CACHD1: variants seen among roughly 807,000 people sequenced by gnomAD.
The protein encoded by CACHD1 is cache domain containing 1.
In CACHD1, 71 loss-of-function variants were observed where a neutral mutation model predicts 138.7. That is an observed-to-expected ratio of 0.51 (90% CI 0.42 to 0.62). The LOEUF is 0.62. CACHD1 is among the 20% of genes least tolerant of loss of function. The pLI, the probability that CACHD1 is intolerant of heterozygous loss-of-function variation, is 0.00. For missense variants in CACHD1, 1,389 were observed against 1,625.3 expected, an observed-to-expected ratio of 0.85 and a Z score of 2.50; for synonymous variants, 578 against 591.5, an observed-to-expected ratio of 0.98 and a Z score of 0.33.
intron 7 of CACHD1, among the ~76,000 whole-genome samples, chr1:64,636,373 C>T (rs1648526777): frequency 6.6e-6 from 1 of 152,148 alleles, no homozygotes; most frequent in South Asian, 2.1e-4. Flanking sequence ...AGCAGTTTAG[C>T]ACAATATACA....
chr1:64,682,171 C>T (rs1160403333), intron 26 of CACHD1, 65 bp downstream of exon 26: 6 of 1,395,818 alleles, frequency 4.3e-6, no homozygotes, highest in South Asian at 1.2e-5. Flanking sequence ...GGATGATGCT[C>T]ACACCCTATT....
chr1:64,643,151 A>AT (rs1648784248), intron 8 of CACHD1, among the ~76,000 whole-genome samples: 1 of 148,968 alleles, frequency 6.7e-6, no homozygotes, highest in Non-Finnish European at 1.5e-5. Context: ...ATGCAGAACC[A>AT]TGTGGTTCAG....
chr1:64,608,949 C>A (rs762332206), intron 4 of CACHD1, among the ~76,000 whole-genome samples: 31 of 152,092 alleles, frequency 2.0e-4, no homozygotes, highest in African/African-American at 7.2e-4. Context: ...TTCTTTATTG[C>A]GTTTGATTTT....
chr1:64,582,375 C>A, intron 3 of CACHD1, 71 bp downstream of exon 3: 1 of 1,338,598 alleles, frequency 7.5e-7, no homozygotes, highest in Non-Finnish European at 1.1e-6. Context: ...ATTTCATATT[C>A]AAAATACCTG....
chr1:64,639,875 G>A (rs1194086780), intron 7 of CACHD1, among the ~76,000 whole-genome samples: 1 of 152,180 alleles, frequency 6.6e-6, no homozygotes, highest in East Asian at 1.9e-4. Context: ...GGGTGCCTCT[G>A]GCCCAACGAG....
intron 3 of CACHD1, among the ~76,000 whole-genome samples, chr1:64,596,610 A>G (rs1192719562): frequency 6.6e-6 from 1 of 152,174 alleles, no homozygotes; most frequent in Non-Finnish European, 1.5e-5. Context: ...ACTGGCAGCA[A>G]AGGCCTGCTT....
At chr1:64,502,783 T>C (rs143075398) in intron 1 of CACHD1, among the ~76,000 whole-genome samples, 1 of 152,280 alleles carries the variant, frequency 6.6e-6, no homozygotes, top group Non-Finnish European at 1.5e-5. Context: ...TTAACTGCAA[T>C]TAAAACCACT....
At chr1:64,473,933 C>G (rs1241553801) in intron 1 of CACHD1, among the ~76,000 whole-genome samples, 1 of 152,166 alleles carries the variant, frequency 6.6e-6, no homozygotes, top group African/African-American at 2.4e-5. Context: ...TCTTTTAGCA[C>G]TATAGTTTCC....
intron 23 of CACHD1, among the ~76,000 whole-genome samples, chr1:64,678,609 A>G (rs1650072170): frequency 6.6e-6 from 1 of 152,208 alleles, no homozygotes; most frequent in Non-Finnish European, 1.5e-5. Flanking sequence ...CTGTTTGGAT[A>G]TGCACGCCAG....
chr1:64,617,845 A>G (rs1325581314), intron 4 of CACHD1, among the ~76,000 whole-genome samples: 1 of 152,182 alleles, frequency 6.6e-6, no homozygotes, highest in Non-Finnish European at 1.5e-5. Context: ...TTGGGAGACC[A>G]AGGTGGGTGG....
chr1:64,681,036 A>G (rs1157705580), intron 24 of CACHD1, among the ~76,000 whole-genome samples: 1 of 152,186 alleles, frequency 6.6e-6, no homozygotes, highest in Non-Finnish European at 1.5e-5. Context: ...TTTCTCAGAA[A>G]TGAATTTCAG....
At chr1:64,630,610 TGG>T (rs1241694350) in intron 5 of CACHD1, among the ~76,000 whole-genome samples, 1 of 152,136 alleles carries the variant, frequency 6.6e-6, no homozygotes, top group African/African-American at 2.4e-5. Context: ...ATTGTGTGTG[TGG>T]TTTCTTCCTT....
chr1:64,515,419 A>C (rs889881111), intron 1 of CACHD1, among the ~76,000 whole-genome samples: 2 of 152,256 alleles, frequency 1.3e-5, no homozygotes, highest in Middle Eastern at 3.2e-3. Flanking sequence ...AGATGTTTCC[A>C]GTATGATTGG....
chr1:64,648,422 A>T (rs1441220009), intron 9 of CACHD1, among the ~76,000 whole-genome samples: 1 of 152,102 alleles, frequency 6.6e-6, no homozygotes, highest in Non-Finnish European at 1.5e-5. Context: ...CCATTCTTCC[A>T]CTTGAGGTGT....
intron 5 of CACHD1, among the ~76,000 whole-genome samples, chr1:64,632,348 C>A (rs747206338): frequency 9.3e-5 from 14 of 151,248 alleles, no homozygotes; most frequent in Non-Finnish European, 1.5e-4. Context: ...TGAAAAACTT[C>A]TCTTGTCTGC....
intron 1 of CACHD1, among the ~76,000 whole-genome samples, chr1:64,492,700 C>T (rs1235563469): frequency 1.3e-5 from 2 of 152,170 alleles, no homozygotes; most frequent in Non-Finnish European, 2.9e-5. Context: ...CTGGGACTGC[C>T]TGGGCTTCCT....
chr1:64,475,639 C>T lies in CACHD1; in HGVS notation c.198+4697C>T, dbSNP rs305552. Among the ~76,000 whole-genome samples, 650 of 152,132 alleles carry T rather than the reference C, an allele frequency of 4.3e-3. 1 individual carries two copies. Among genetic ancestry groups the T allele is most frequent in the African/African-American group, 0.014 (594 of 41,488 alleles). On this transcript the variant is annotated intron_variant, in intron 1 of 26. Coordinates refer to ENST00000651257, the MANE Select transcript of CACHD1 (RefSeq NM_020925.4). Reference sequence around the variant, plus strand: ...TCTGCTCACTGCAACCTCTGCCTACCGGGTTCACGCCATTCTCCTGCCTCA... The same window carrying T: ...TCTGCTCACTGCAACCTCTGCCTACTGGGTTCACGCCATTCTCCTGCCTCA...
intron 5 of CACHD1, 101 bp downstream of exon 5, chr1:64,629,582 G>C (rs1388311522): frequency 1.5e-6 from 2 of 1,333,440 alleles, no homozygotes; most frequent in African/African-American, 3.0e-5. Context: ...CCTTTAAGCT[G>C]TGGATTCAGA....
chr1:64,582,519 A>G (rs1304656903), intron 3 of CACHD1, among the ~76,000 whole-genome samples: 1 of 151,962 alleles, frequency 6.6e-6, no homozygotes, highest in South Asian at 2.1e-4. Context: ...CTCCCTACTC[A>G]CCTTTTTCTC....
Sources: gnomAD v4.1 joint callset for allele counts (sites outside exome capture counted in the v4.1 genomes callset) on GRCh38, gnomAD v4.1.1 for gene constraint, MANE v1.5 for transcripts, NCBI Gene and HGNC (gene_info 2026-07-23, HGNC 2026-07-21) for gene names.